KLHL22: variants seen among roughly 807,000 people sequenced by gnomAD.
KLHL22 encodes kelch like family member 22.
KLHL22 carries 18 observed loss-of-function variants against 60.7 expected under a neutral mutation model. The observed-to-expected ratio is 0.30, with a 90% CI of 0.20 to 0.44. The LOEUF (loss-of-function observed/expected upper bound fraction) is 0.44, where lower values mean the gene tolerates loss of function less well. Among genes scored for constraint, KLHL22 ranks in the 20% least tolerant of loss-of-function variants. The pLI is 1.00. For synonymous variants in KLHL22, 355 were observed against 354.5 expected (o/e 1.00, Z -0.01); for missense variants, 596 against 852.3 (o/e 0.70, Z 3.74).
chr22:20,484,633 C>T (rs1315119007), intron 2 of KLHL22, among the ~76,000 whole-genome samples: 8 of 150,990 alleles, frequency 5.3e-5, no homozygotes, highest in African/African-American at 1.9e-4. Flanking sequence ...GGTTTCGTCA[C>T]GTTGCCCAGG....
At chr22:20,453,888 C>T (rs1381026098) in intron 5 of KLHL22, among the ~76,000 whole-genome samples, 1 of 152,092 alleles carries the variant, frequency 6.6e-6, no homozygotes, top group Non-Finnish European at 1.5e-5. Context: ...GTGTGTGCCA[C>T]CACACCCAGC....
chr22:20,453,350 T>C (rs940046322), intron 5 of KLHL22, among the ~76,000 whole-genome samples: 6 of 152,172 alleles, frequency 3.9e-5, no homozygotes, highest in Non-Finnish European at 5.9e-5. Context: ...TGGGTTGATA[T>C]CCATTTTTTT....
chr22:20,467,745 G>A (rs575057859), intron 3 of KLHL22, among the ~76,000 whole-genome samples: 4 of 152,218 alleles, frequency 2.6e-5, no homozygotes, highest in East Asian at 3.9e-4. Context: ...TGCAAGCTCC[G>A]CCTCCCGGGT....
chr22:20,470,893 C>A (rs1456785786), intron 3 of KLHL22, among the ~76,000 whole-genome samples: 1 of 151,934 alleles, frequency 6.6e-6, no homozygotes, highest in Non-Finnish European at 1.5e-5. Flanking sequence ...GATGGACAGA[C>A]AAATAGATAG....
chr22:20,457,822 G>T lies in KLHL22; in HGVS notation c.1291C>A (p.Pro431Thr), dbSNP rs570002014. Residue 431 changes from proline (P) to threonine (T), a missense_variant, in exon 5 of 7, where the codon CCA becomes ACA. Pro to Thr is a conservative substitution (Grantham distance 38, BLOSUM62 -1). Transcript: ENST00000328879. The stretch of plus-strand genomic sequence containing the variant: ...GGCTTCCTTACCTCCCTCTTGAGTG[G>T]GGCCACGTATGCCCAGGAGTTGGTG... ...PATNSWAYVAPLKREVYAHAG... is the reference protein window; with the variant it reads ...PATNSWAYVATLKREVYAHAG... The T allele has an allele frequency of 5.0e-6, 8 of 1,602,244 alleles. 2 individuals carry two copies. In the Admixed American group the frequency reaches 1.2e-4, roughly 24 times the overall value.
At chr22:20,492,798 G>A (rs1405357179) in intron 1 of KLHL22, among the ~76,000 whole-genome samples, 3 of 152,020 alleles carry the variant, frequency 2.0e-5, no homozygotes, top group Non-Finnish European at 4.4e-5. Flanking sequence ...CACCATGTTG[G>A]TCAGGCTGGT....
Position 20,446,567 on chromosome 22 carries a change from G to A in KLHL22, c.1415C>T (p.Thr472Ile), listed in dbSNP as rs746038905. ...ETHCYDPGSN[T>I]WHTLADGPVR... The stretch of plus-strand genomic sequence containing the variant: ...AGGCCCATCAGCCAGTGTGTGCCAA[G>A]TGTTGCTGCCTGGATCGTAGCAGTG... Residue 472 changes from threonine (T) to isoleucine (I), a missense_variant, in exon 6 of 7, where the codon ACT becomes ATT. By Grantham distance (89) the Thr-to-Ile change is moderately conservative. Coordinates refer to ENST00000328879, the MANE Select transcript of KLHL22 (RefSeq NM_032775.4). 4 of 1,614,004 alleles carry A rather than the reference G, an allele frequency of 2.5e-6. No individual in the cohort carries two copies. Among genetic ancestry groups the A allele is most frequent in the Non-Finnish European group, 2.5e-6 (3 of 1,180,016 alleles).
chr22:20,462,029 C>T (rs1455461307), intron 4 of KLHL22, among the ~76,000 whole-genome samples: 1 of 152,020 alleles, frequency 6.6e-6, no homozygotes, highest in Admixed American at 6.6e-5. Flanking sequence ...ACCTCAGAGG[C>T]GGAGGTTGTG....
intron 2 of KLHL22, chr22:20,483,062 A>G: frequency 1.5e-6 from 1 of 662,622 alleles, no homozygotes; most frequent in Non-Finnish European, 2.8e-6. Flanking sequence ...GATTTGTGCC[A>G]CCTCTGACTC....
At chr22:20,450,413 A>G in intron 5 of KLHL22, 7 of 1,496,932 alleles carry the variant, frequency 4.7e-6, no homozygotes, top group Non-Finnish European at 6.5e-6. Context: ...AGTACATGTG[A>G]CATGGAGAAT....
At chr22:20,470,022 T>C (rs997336593) in intron 3 of KLHL22, among the ~76,000 whole-genome samples, 19 of 151,916 alleles carry the variant, frequency 1.3e-4, no homozygotes, top group African/African-American at 4.4e-4. Flanking sequence ...CTTTTTGAAT[T>C]CTGCAGGAAA....
chr22:20,472,287 T>C (rs965512502), intron 2 of KLHL22, among the ~76,000 whole-genome samples: 2 of 151,818 alleles, frequency 1.3e-5, no homozygotes, highest in Admixed American at 1.3e-4. Context: ...AAAGGAGTTA[T>C]AGTGAAGTAA....
At chr22:20,454,983 G>A (rs562254096) in intron 5 of KLHL22, among the ~76,000 whole-genome samples, 10 of 152,220 alleles carry the variant, frequency 6.6e-5, no homozygotes, top group African/African-American at 2.2e-4. Context: ...CCGGGTTCAC[G>A]CCATTCTCCT....
chr22:20,470,749 T>C lies in KLHL22; in HGVS notation c.393+601A>G, dbSNP rs924708188. ...ATGGATGGATGGATGGATGGATGCC[T>C]GCCACCATGGATGGATGCATGCATG... On this transcript the variant is annotated intron_variant, in intron 3 of 6. Transcript: ENST00000328879. Among the ~76,000 whole-genome samples the C allele has an allele frequency of 2.7e-5, 4 of 147,254 alleles. 1 individual carries two copies. The South Asian group carries it at 8.7e-4, about 32-fold the overall frequency.
chr22:20,445,127 C>T (rs1195017876), intron 6 of KLHL22, among the ~76,000 whole-genome samples: 1 of 151,934 alleles, frequency 6.6e-6, no homozygotes. Flanking sequence ...AGAAAACATA[C>T]ACGGTCAATG....
At chr22:20,479,028 C>A (rs2053457636) in intron 2 of KLHL22, among the ~76,000 whole-genome samples, 2 of 151,534 alleles carry the variant, frequency 1.3e-5, no homozygotes, top group Non-Finnish European at 2.9e-5. Context: ...ACTTGGGAGG[C>A]TGAGGAACAA....
At position 20,465,674 on chromosome 22, in the gene KLHL22, G is replaced by C; in HGVS notation, c.394-98C>G. 1.3e-6 allele frequency: 1 copy of C among 748,938 alleles called. No homozygotes were observed. 46.4% of individuals were successfully genotyped at this position (748,938 alleles called of 1,614,324 possible). A position where few individuals can be genotyped will look rare whatever the true frequency, so the allele number is the denominator to read the frequency against. ...CAGAAATACGGGCTGTTGTGGGCCA[G>C]GCAAAGCAGAAGGGAAGTCCTCCTT... On this transcript the variant is annotated intron_variant, in intron 3 of 6. Coordinates refer to ENST00000328879, the MANE Select transcript of KLHL22 (RefSeq NM_032775.4). This position sits in a 1 kb window ranked among gnomAD's most constrained non-coding sequence, Gnocchi z 4.9.
At position 20,457,932 on chromosome 22, in the gene KLHL22, A is replaced by G. The variant is rs758544623; in HGVS notation, c.1181T>C (p.Val394Ala). The G allele has an allele frequency of 6.2e-7, 1 of 1,614,116 alleles. No homozygotes were observed. Among genetic ancestry groups the G allele is most frequent in the Non-Finnish European group, 8.5e-7 (1 of 1,180,000 alleles). The change falls in exon 5 of 7, where the codon GTG becomes GCG. Residue 394 changes from valine (V) to alanine (A), a missense_variant. By Grantham distance (64) the Val-to-Ala change is moderately conservative (BLOSUM62 0). Coordinates refer to ENST00000328879, the MANE Select transcript of KLHL22 (RefSeq NM_032775.4). ...SLQQEHADLS[V>A]CVVGRYIYAV... The stretch of plus-strand genomic sequence containing the variant: ...GTAGATGTACCTGCCTACAACACAC[A>G]CGGACAGGTCGGCGTGCTCCTGCTG...
chr22:20,489,862 T>C, intron 1 of KLHL22: 1 of 467,494 alleles, frequency 2.1e-6, no homozygotes, highest in South Asian at 1.6e-5. Context: ...ACTGAAATTC[T>C]GAGAGTCAAG....
Sources: gnomAD v4.1 joint callset for allele counts (sites outside exome capture counted in the v4.1 genomes callset) on GRCh38, gnomAD v4.1.1 for gene constraint, Gnocchi (gnomAD v3.1) non-coding constraint, MANE v1.5 for transcripts, NCBI Gene and HGNC (gene_info 2026-07-23, HGNC 2026-07-21) for gene names.